Variants in DYNC2I1 observed in about 807,000 individuals in gnomAD.
The protein encoded by DYNC2I1 is cytoplasmic dynein 2 intermediate chain 1.
A neutral mutation model predicts 133.4 loss-of-function variants in DYNC2I1; 89 were observed. The observed-to-expected ratio is 0.67, with a 90% CI of 0.56 to 0.80. The LOEUF (loss-of-function observed/expected upper bound fraction) is 0.80, where lower values mean the gene tolerates loss of function less well. DYNC2I1 is among the 30% of genes least tolerant of loss of function. The pLI is 0.00. For synonymous variants in DYNC2I1, 504 were observed against 484.3 expected (o/e 1.04, Z -0.54); for missense variants, 1,291 against 1,314.5 (o/e 0.98, Z 0.28).
chr7:158,927,039 T>C lies in DYNC2I1; in HGVS notation c.2481T>C (p.Asp827=), dbSNP rs1216998566. ...CAGACATCGCAGGTTCAATAAGTGA[T>C]TTAGGTAACTATTAAGTAAAAAAAT... is the stretch of plus-strand genomic sequence containing the variant. The part of the protein sequence containing the change: ...PKADIAGSIS[D]LGLMPGGRVK... The change falls in exon 20 of 25, where the codon GAT becomes GAC. Residue 827 remains aspartate, a synonymous_variant. Coordinates refer to ENST00000407559, the MANE Select transcript of DYNC2I1 (RefSeq NM_018051.5). 5.0e-6 allele frequency: 8 copies of C among 1,595,890 alleles called. No homozygotes were observed. The African/African-American group carries it at 9.4e-5, about 19-fold the overall frequency.
In DYNC2I1 at chr7:158,941,982, C is replaced by G. The variant is rs1214089806; in HGVS notation, c.2836C>G (p.Leu946Val). The G allele has an allele frequency of 6.2e-7, 1 of 1,613,314 alleles. No homozygotes were observed. Among genetic ancestry groups the G allele is most frequent in the Non-Finnish European group, 8.5e-7 (1 of 1,179,730 alleles). Residue 946 changes from leucine (L) to valine (V), a missense_variant, in exon 24 of 25, where the codon CTG becomes GTG. Leu to Val is a conservative substitution (Grantham distance 32). Transcript: ENST00000407559. The stretch of plus-strand genomic sequence containing the variant: ...CCAGCTGAGCTCCGCGTTTCCGCTC[C>G]TGCAGTGGGACAGCAGCACGGACAG... ...LHQLSSAFPL[L>V]QWDSSTDSHA...
At chr7:158,930,288 G>A (rs756117206) in intron 20 of DYNC2I1, among the ~76,000 whole-genome samples, 167 bp from the exon 21 acceptor site, 1 of 152,192 alleles carries the variant, frequency 6.6e-6, no homozygotes, top group South Asian at 2.1e-4. Context: ...GGCAGGATAC[G>A]TGAACCTCAC....
intron 7 of DYNC2I1, among the ~76,000 whole-genome samples, 153 bp from the exon 8 acceptor site, chr7:158,891,112 G>T (rs115703392): frequency 0.016 from 2,445 of 152,326 alleles, 53 homozygotes; most frequent in African/African-American, 0.056. Context: ...ACCAGGCTGG[G>T]ACCTGCATCC....
In DYNC2I1 at chr7:158,923,487, G is replaced by A. The variant is rs1355900861; in HGVS notation, c.2095-84G>A. On this transcript the variant is annotated intron_variant, in intron 16 of 24. Transcript: ENST00000407559. ...TCCCGTGCAAAGTGAAACATGGTCA[G>A]ACACCCCACTCAGTAAATGCAGCTT... The A allele has an allele frequency of 3.1e-6, 5 of 1,594,784 alleles. No homozygotes were observed. The East Asian group carries it at 1.1e-4, about 36-fold the overall frequency.
chr7:158,857,173 C>T (rs554639345), intron 1 of DYNC2I1, among the ~76,000 whole-genome samples: 183 of 152,312 alleles, frequency 1.2e-3, no homozygotes, highest in African/African-American at 3.9e-3. Context: ...AGCCTGGGTG[C>T]TTGAGTTTGA....
Position 158,943,170 on chromosome 7 carries a change from G to A in DYNC2I1, c.3002+1022G>A, listed in dbSNP as rs71547593. The stretch of plus-strand genomic sequence containing the variant: ...TGAAATTAAGAATTGCATTTATTTA[G>A]TTTGATTCCTAGGTTTACTTACGTT... On this transcript the variant is annotated intron_variant, in intron 24 of 24. Coordinates refer to ENST00000407559, the MANE Select transcript of DYNC2I1 (RefSeq NM_018051.5). Among the ~76,000 whole-genome samples the A allele has an allele frequency of 8.0e-3, 1,218 of 152,248 alleles. 15 individuals carry two copies. Among genetic ancestry groups the A allele is most frequent in the Non-Finnish European group, 0.013 (878 of 68,020 alleles).
chr7:158,896,622 G>A (rs1193837184), intron 8 of DYNC2I1, among the ~76,000 whole-genome samples: 1 of 152,018 alleles, frequency 6.6e-6, no homozygotes, highest in Non-Finnish European at 1.5e-5. Context: ...ACAGGCATGT[G>A]CCACCATGCC....
At chr7:158,913,858 G>A (rs1405306547) in intron 13 of DYNC2I1, among the ~76,000 whole-genome samples, 2 of 152,146 alleles carry the variant, frequency 1.3e-5, no homozygotes, top group African/African-American at 4.8e-5. Flanking sequence ...ACAAGCGCCT[G>A]CTATCATGCC....
Position 158,945,904 on chromosome 7 carries a change from T to C in DYNC2I1, c.*125T>C, listed in dbSNP as rs1851841538. ...GACTATGTATATTCTGTATATAATT[T>C]ATTTTACATGAATATGTCTTTGGTA... is the stretch of plus-strand genomic sequence containing the variant. On this transcript the variant is annotated 3_prime_UTR_variant, in exon 25 of 25. Coordinates refer to ENST00000407559, the MANE Select transcript of DYNC2I1 (RefSeq NM_018051.5). The surrounding 1 kb of genome is among the most constrained non-coding windows in gnomAD (Gnocchi z 4.1). 1.1e-6 allele frequency: 1 copy of C among 923,734 alleles called. No homozygotes were observed. Among genetic ancestry groups the C allele is most frequent in the Admixed American group, 3.7e-5 (1 of 26,724 alleles). 57.2% of individuals were successfully genotyped at this position (923,734 alleles called of 1,614,324 possible).
intron 24 of DYNC2I1, 23 bp downstream of exon 24, chr7:158,942,171 A>G: frequency 6.7e-7 from 1 of 1,496,952 alleles, no homozygotes; most frequent in Non-Finnish European, 8.9e-7. Context: ...GCTCTGGACC[A>G]GCTGCTGGTT....
chr7:158,942,792 T>C (rs1204133671), intron 24 of DYNC2I1, among the ~76,000 whole-genome samples: 3 of 152,180 alleles, frequency 2.0e-5, no homozygotes, highest in Non-Finnish European at 4.4e-5. Context: ...CTCGAGGGGC[T>C]CCCAGCTCAC....
chr7:158,942,073 C>T lies in DYNC2I1; in HGVS notation c.2927C>T (p.Thr976Ile). ...GCCGTGTTCCTGGTGCAGGACGACA[C>T]ATCCAACATCTACATCTGGGACCTC... ...RPAVFLVQDD[T>I]SNIYIWDLLQ... The change falls in exon 24 of 25, where the codon ACA becomes ATA. Residue 976 changes from threonine (T) to isoleucine (I), a missense_variant. Coordinates refer to ENST00000407559, the MANE Select transcript of DYNC2I1 (RefSeq NM_018051.5). 6.2e-7 allele frequency: 1 copy of T among 1,610,998 alleles called. No homozygotes were observed. Among genetic ancestry groups the T allele is most frequent in the South Asian group, 1.1e-5 (1 of 90,746 alleles).
At chr7:158,843,153 G>A in the DYNC2I1 span, among the ~76,000 whole-genome samples, 4 of 152,178 alleles carry the variant, frequency 2.6e-5, no homozygotes, top group African/African-American at 9.7e-5. Context: ...GGAGTGCAGT[G>A]GCACAATCTC....
chr7:158,865,831 TG>T (rs1334547025), intron 1 of DYNC2I1, among the ~76,000 whole-genome samples: 10 of 152,124 alleles, frequency 6.6e-5, no homozygotes, highest in Non-Finnish European at 8.8e-5. Context: ...ATGTGGCAAG[TG>T]GGGACCGACA....
At chr7:158,880,078 G>A (rs1159707189) in intron 5 of DYNC2I1, 89 bp downstream of exon 5, 1 of 1,450,296 alleles carries the variant, frequency 6.9e-7, no homozygotes, top group African/African-American at 1.4e-5. Context: ...GCCAGACAAG[G>A]TTGAGATTTG....
intron 15 of DYNC2I1, among the ~76,000 whole-genome samples, chr7:158,920,465 G>A (rs1848950505): frequency 6.6e-6 from 1 of 151,790 alleles, no homozygotes; most frequent in Non-Finnish European, 1.5e-5. Flanking sequence ...GCATACTGCA[G>A]CGCCAGGCCT....
chr7:158,947,772 C>T (rs1851933581), downstream of DYNC2I1, among the ~76,000 whole-genome samples: 1 of 152,186 alleles, frequency 6.6e-6, no homozygotes, highest in African/African-American at 2.4e-5. Flanking sequence ...GGTGCAGCCT[C>T]ACGGAGGCCA....
upstream of DYNC2I1, among the ~76,000 whole-genome samples, chr7:158,851,706 T>G (rs1278622975): frequency 2.0e-5 from 3 of 152,164 alleles, no homozygotes; most frequent in Non-Finnish European, 4.4e-5. Flanking sequence ...AAAGGAGGGC[T>G]AGAGAGAAAC....
At chr7:158,892,717 G>T (rs191250138) in intron 8 of DYNC2I1, among the ~76,000 whole-genome samples, 69 of 152,128 alleles carry the variant, frequency 4.5e-4, no homozygotes, top group Admixed American at 1.0e-3. Context: ...AGGCCGAGGT[G>T]GGTGGATCAC....
Sources: allele counts gnomAD v4.1 joint callset (sites outside exome capture counted in the v4.1 genomes callset), GRCh38; gene constraint gnomAD v4.1.1; non-coding constraint Gnocchi (gnomAD v3.1); transcripts MANE v1.5; gene names NCBI Gene and HGNC (gene_info 2026-07-23, HGNC 2026-07-21).